The following CNTLN variants were observed in gnomAD, a reference collection of about 807,000 sequenced individuals.
The protein encoded by CNTLN is centlein, centrosomal protein.
A neutral mutation model predicts 180.0 loss-of-function variants in CNTLN; 212 were observed. The observed-to-expected ratio is 1.18, with a 90% CI of 1.05 to 1.32. The LOEUF (loss-of-function observed/expected upper bound fraction) is 1.32, where lower values mean the gene tolerates loss of function less well. Among genes scored for constraint, CNTLN ranks in the 40% most tolerant of loss-of-function variants. The pLI is 0.00. For missense variants in CNTLN, 2,095 were observed against 1,610.9 expected, an observed-to-expected ratio of 1.30 and a Z score of -5.14; for synonymous variants, 722 against 563.1, an observed-to-expected ratio of 1.28 and a Z score of -3.99.
intron 5 of CNTLN, among the ~76,000 whole-genome samples, chr9:17,268,636 G>A (rs548462284): frequency 2.5e-4 from 38 of 152,312 alleles, no homozygotes; most frequent in Middle Eastern, 3.4e-3. Context: ...CCTGCCCCCA[G>A]AGGTGGAGCC....
intron 2 of CNTLN, among the ~76,000 whole-genome samples, chr9:17,163,825 C>A (rs911121294): frequency 7.2e-5 from 11 of 152,170 alleles, no homozygotes; most frequent in African/African-American, 2.4e-4. Context: ...CTCAGGAGTT[C>A]AAGACCAGCC....
chr9:17,138,031 G>A (rs193202076), intron 1 of CNTLN, among the ~76,000 whole-genome samples: 1 of 152,190 alleles, frequency 6.6e-6, no homozygotes, highest in Non-Finnish European at 1.5e-5. Context: ...TAGTAGGTAA[G>A]CTTCCAAATG....
intron 10 of CNTLN, among the ~76,000 whole-genome samples, chr9:17,338,901 G>A (rs948776202): frequency 4.6e-5 from 7 of 152,088 alleles, no homozygotes; most frequent in Non-Finnish European, 1.0e-4. Context: ...AGCATCCTAC[G>A]TGTAATAGAC....
At position 17,231,431 on chromosome 9, in the gene CNTLN, G is replaced by A. The variant is rs1348127082; in HGVS notation, c.535-4227G>A. On this transcript the variant is annotated intron_variant, in intron 3 of 25. Transcript: ENST00000380647. ...AGTATAAAGAATTGCCTTTTTTTGG[G>A]TAAGACTATGTTTTAGCTTTGTCAC... 2.0e-5 allele frequency among the ~76,000 whole-genome samples: 3 copies of A among 151,778 alleles called. No individual in the cohort carries two copies. The East Asian group carries it at 5.8e-4, about 29-fold the overall frequency.
chr9:17,308,999 C>A, intron 7 of CNTLN, 59 bp from the exon 8 acceptor site: 2 of 1,163,306 alleles, frequency 1.7e-6, no homozygotes, highest in Non-Finnish European at 2.4e-6. Flanking sequence ...CACACACAGA[C>A]ACACAGACAC....
At chr9:17,252,090 T>G (rs1826178195) in intron 5 of CNTLN, among the ~76,000 whole-genome samples, 1 of 151,920 alleles carries the variant, frequency 6.6e-6, no homozygotes, top group Non-Finnish European at 1.5e-5. Context: ...CTAAGTAGTA[T>G]TCCATTATTT....
rs917804689 is a variant in CNTLN at position 17,158,812 on chromosome 9, C to A, written c.449+15436C>A. On this transcript the variant is annotated intron_variant, in intron 2 of 25. Coordinates refer to ENST00000380647, the MANE Select transcript of CNTLN (RefSeq NM_017738.4). Reference sequence around the variant, plus strand: ...AATTTTGTTGATCTTTTTGAAGAACCAGCTTTTGGCTGTATTGTTCTTTCT... The same window carrying A: ...AATTTTGTTGATCTTTTTGAAGAACAAGCTTTTGGCTGTATTGTTCTTTCT... 4.6e-5 allele frequency among the ~76,000 whole-genome samples: 7 copies of A among 152,054 alleles called. No homozygotes were observed. The South Asian group carries it at 1.2e-3, about 27-fold the overall frequency.
chr9:17,345,219 A>G (rs1035784572), intron 12 of CNTLN, among the ~76,000 whole-genome samples: 2 of 152,320 alleles, frequency 1.3e-5, no homozygotes, highest in East Asian at 3.9e-4. Context: ...GGAAATGCCC[A>G]GGAGTTGCAT....
intron 2 of CNTLN, among the ~76,000 whole-genome samples, chr9:17,190,900 A>G (rs1471343868): frequency 6.6e-6 from 1 of 152,216 alleles, no homozygotes; most frequent in Non-Finnish European, 1.5e-5. Context: ...ATTAGTAACT[A>G]TTCACATATT....
chr9:17,292,950 C>T (rs545449293), intron 6 of CNTLN, among the ~76,000 whole-genome samples: 17 of 152,214 alleles, frequency 1.1e-4, no homozygotes, highest in African/African-American at 3.6e-4. Context: ...TTTCAGTTTG[C>T]GAGGACCTTT....
chr9:17,283,494 G>C (rs959421682), intron 6 of CNTLN, among the ~76,000 whole-genome samples: 5 of 152,174 alleles, frequency 3.3e-5, no homozygotes, highest in African/African-American at 9.6e-5. Context: ...GAAAGCTTTT[G>C]GGCTGTGATG....
At position 17,361,071 on chromosome 9, in the gene CNTLN, A is replaced by G. The variant is rs149714819; in HGVS notation, c.1887-5546A>G. Among the ~76,000 whole-genome samples, 769 of 152,150 alleles carry G rather than the reference A, an allele frequency of 5.1e-3. 5 individuals are homozygous for G. The highest frequency in any genetic ancestry group is 0.018 in the African/African-American group (738 of 41,514). On this transcript the variant is annotated intron_variant, in intron 12 of 25. Transcript: ENST00000380647. ...AGTTTTTTTTCCATTTTTTTAAATT[A>G]TTATTATACTTTAAGTTTTAGGGTA...
At chr9:17,391,208 C>G (rs563213233) in intron 14 of CNTLN, among the ~76,000 whole-genome samples, 2 of 152,258 alleles carry the variant, frequency 1.3e-5, no homozygotes, top group South Asian at 4.1e-4. Context: ...CCTGTCTGCT[C>G]AGATTCTTCT....
intron 14 of CNTLN, among the ~76,000 whole-genome samples, chr9:17,393,997 T>G (rs1440442462): frequency 2.0e-5 from 3 of 151,796 alleles, no homozygotes; most frequent in African/African-American, 4.9e-5. Flanking sequence ...TTAAAATTGT[T>G]AGACTTTATT....
intron 18 of CNTLN, among the ~76,000 whole-genome samples, chr9:17,448,826 A>T (rs1348718033): frequency 6.6e-6 from 1 of 152,224 alleles, no homozygotes; most frequent in Non-Finnish European, 1.5e-5. Flanking sequence ...TGAAGGAAGA[A>T]TATAATTAAA....
chr9:17,246,837 G>GGCTCTAAAGAGGGC, intron 5 of CNTLN, among the ~76,000 whole-genome samples: 1 of 152,034 alleles, frequency 6.6e-6, no homozygotes, highest in Non-Finnish European at 1.5e-5. Context: ...GGGCTCTTTA[G>GGCTCTAAAGAGGGC]TCAGCAGGAG....
intron 2 of CNTLN, among the ~76,000 whole-genome samples, chr9:17,217,565 G>T (rs1823846005): frequency 6.6e-6 from 1 of 152,204 alleles, no homozygotes; most frequent in Non-Finnish European, 1.5e-5. Flanking sequence ...AAAAATCCTT[G>T]GGGGCAACCC....
At chr9:17,267,961 A>AG (rs1346952327) in intron 5 of CNTLN, among the ~76,000 whole-genome samples, 5 of 151,756 alleles carry the variant, frequency 3.3e-5, no homozygotes, top group Non-Finnish European at 5.9e-5. Context: ...CAAACTTTTA[A>AG]CTTCTTTCCC....
intron 5 of CNTLN, among the ~76,000 whole-genome samples, chr9:17,247,601 G>A (rs1429920767): frequency 1.3e-5 from 2 of 152,140 alleles, no homozygotes; most frequent in African/African-American, 4.8e-5. Flanking sequence ...TACTGTGATT[G>A]CTCACCTGAG....
Sources: allele counts gnomAD v4.1 joint callset (sites outside exome capture counted in the v4.1 genomes callset), GRCh38; gene constraint gnomAD v4.1.1; transcripts MANE v1.5; gene names NCBI Gene and HGNC (gene_info 2026-07-23, HGNC 2026-07-21).